USO1: variants seen among roughly 807,000 people sequenced by gnomAD.
USO1 encodes general vesicular transport factor p115.
Under a neutral mutation model 124.5 loss-of-function variants are expected in USO1, and 57 were observed. The ratio of observed to expected loss-of-function variants is 0.46; its 90% confidence interval spans 0.37 to 0.57. The LOEUF is 0.57. Among genes scored for constraint, USO1 ranks in the 20% least tolerant of loss-of-function variants. USO1 has a pLI of 0.00. For missense variants in USO1, 900 were observed against 1,040.6 expected, an observed-to-expected ratio of 0.86 and a Z score of 1.86; for synonymous variants, 369 against 362.8, an observed-to-expected ratio of 1.02 and a Z score of -0.19.
intron 1 of USO1, among the ~76,000 whole-genome samples, chr4:75,745,095 T>C (rs916579969): frequency 3.3e-5 from 5 of 152,200 alleles, no homozygotes; most frequent in East Asian, 3.8e-4. Context: ...TTATCTGTTA[T>C]AGTAATGAGC....
intron 8 of USO1, among the ~76,000 whole-genome samples, chr4:75,775,013 C>CA (rs1722035265): frequency 2.6e-5 from 4 of 152,170 alleles, no homozygotes; most frequent in Admixed American, 2.6e-4. Context: ...TAGAAAATCT[C>CA]ACCTATATCT....
intron 5 of USO1, 36 bp from the exon 6 acceptor site, chr4:75,770,786 T>C: frequency 6.3e-7 from 1 of 1,582,040 alleles, no homozygotes; most frequent in Non-Finnish European, 8.5e-7. Flanking sequence ...AAATGTGAAT[T>C]ACAGATGTTA....
At chr4:75,790,073 T>G in intron 10 of USO1, 77 bp from the exon 11 acceptor site, 1 of 1,385,080 alleles carries the variant, frequency 7.2e-7, no homozygotes, top group Middle Eastern at 1.9e-4. Context: ...AAAAAAAGAT[T>G]TTTTTTCTAT....
At chr4:75,800,278 A>T in intron 14 of USO1, 73 bp from the exon 15 acceptor site, 1 of 1,479,586 alleles carries the variant, frequency 6.8e-7, no homozygotes, top group Non-Finnish European at 9.1e-7. Flanking sequence ...GTGAAGTATT[A>T]ATGTATGTCA....
intron 3 of USO1, among the ~76,000 whole-genome samples, chr4:75,754,718 G>A (rs759939894): frequency 2.0e-5 from 3 of 152,034 alleles, no homozygotes; most frequent in Non-Finnish European, 4.4e-5. Context: ...GCCTACACAG[G>A]CCAAAAAACA....
intron 19 of USO1, 55 bp downstream of exon 19, chr4:75,805,358 C>T: frequency 2.7e-6 from 4 of 1,455,220 alleles, no homozygotes; most frequent in Non-Finnish European, 3.6e-6. Flanking sequence ...TTCTCATTAT[C>T]CTGCCTTTTT....
chr4:75,765,027 C>A lies in USO1; in HGVS notation c.296-5412C>A, dbSNP rs17000802. Among the ~76,000 whole-genome samples, 901 of 152,228 alleles carry A rather than the reference C, an allele frequency of 5.9e-3. 15 individuals carry two copies. Among genetic ancestry groups the A allele is most frequent in the African/African-American group, 0.021 (854 of 41,532 alleles). Reference sequence around the variant, plus strand: ...TAGTCAAGTTTTCATTCTCTGCTATCTTCACACCACTGAGATAAAAAATAA... The same window carrying A: ...TAGTCAAGTTTTCATTCTCTGCTATATTCACACCACTGAGATAAAAAATAA... On this transcript the variant is annotated intron_variant, in intron 4 of 23. Coordinates refer to ENST00000514213, the MANE Select transcript of USO1 (RefSeq NM_003715.4).
At position 75,813,250 on chromosome 4, in the gene USO1, GGAT is replaced by G; in HGVS notation, c.2850_2852del (p.Asp950del). 11 of 1,611,228 alleles carry G rather than the reference GGAT, an allele frequency of 6.8e-6. No homozygotes were observed. The highest frequency in any genetic ancestry group is 9.3e-6 in the Non-Finnish European group (11 of 1,179,046). On this transcript the variant is annotated inframe_deletion, in exon 24 of 24. Transcript: ENST00000514213. ...TTGAATCTGGAGACCAAGAGGATGA[GGAT>G]GATGAAAGTGAAGATCCTGGCAAGG...
At chr4:75,798,917 G>C (rs1267996306) in intron 13 of USO1, among the ~76,000 whole-genome samples, 1 of 152,066 alleles carries the variant, frequency 6.6e-6, no homozygotes, top group Admixed American at 6.5e-5. Flanking sequence ...CTACCTAGGA[G>C]ATGTAAATGT....
At chr4:75,802,614 A>C (rs1722880610) in intron 17 of USO1, among the ~76,000 whole-genome samples, 1 of 152,176 alleles carries the variant, frequency 6.6e-6, no homozygotes, top group South Asian at 2.1e-4. Context: ...ATATGGACTA[A>C]AATATATAAT....
At chr4:75,730,329 A>G (rs965944026) in intron 1 of USO1, among the ~76,000 whole-genome samples, 2 of 152,238 alleles carry the variant, frequency 1.3e-5, no homozygotes, top group Non-Finnish European at 2.9e-5. Context: ...TGCAACGACC[A>G]CTAACAAAGA....
intron 4 of USO1, among the ~76,000 whole-genome samples, chr4:75,762,121 G>A (rs1025318816): frequency 6.8e-6 from 1 of 147,332 alleles, no homozygotes; most frequent in Non-Finnish European, 1.5e-5. Flanking sequence ...CAGAGATGAT[G>A]TAACTTATAT....
In USO1 at chr4:75,804,246, A is replaced by T. The variant is rs146358167; in HGVS notation, c.2099A>T (p.Gln700Leu). The change falls in exon 18 of 24, where the codon CAG becomes CTG. Residue 700 changes from glutamine to leucine, a missense_variant. This residue lies in a region of USO1 where 362 missense variants were observed against 359.0 expected (regional missense o/e 1.01). Coordinates refer to ENST00000514213, the MANE Select transcript of USO1 (RefSeq NM_003715.4). ...TCACAGATCCAGCAGCACAAAGACC[A>T]GTATAATCTTCTTAAAATACAGCTA... The part of the protein sequence containing the change: ...QVSQIQQHKD[Q>L]YNLLKIQLGK... The T allele has an allele frequency of 1.4e-5, 22 of 1,612,376 alleles. No homozygotes were observed. Among genetic ancestry groups the T allele is most frequent in the African/African-American group, 2.7e-5 (2 of 75,016 alleles).
chr4:75,799,872 A>T lies in USO1; in HGVS notation c.1563+140A>T, dbSNP rs1353827843. The T allele has an allele frequency of 7.2e-6, 7 of 970,530 alleles. No homozygotes were observed. The Admixed American group carries it at 2.1e-4, about 29-fold the overall frequency. 60.1% of individuals were successfully genotyped at this position (970,530 alleles called of 1,614,324 possible). A position where few individuals can be genotyped will look rare whatever the true frequency, so the allele number is the denominator to read the frequency against. ...GTGTTGCAACTTTTTAAACTGTTAA[A>T]GTTGTTATGATGCTTGTTTAAGTTG... On this transcript the variant is annotated intron_variant, in intron 14 of 23. Transcript: ENST00000514213.
At chr4:75,797,532 T>G (rs1722722196) in intron 13 of USO1, among the ~76,000 whole-genome samples, 1 of 143,166 alleles carries the variant, frequency 7.0e-6, no homozygotes, top group African/African-American at 2.5e-5. Flanking sequence ...CATATGATCT[T>G]CAGAATCATG....
At position 75,799,731 on chromosome 4, in the gene USO1, T is replaced by C. The variant is rs779295488; in HGVS notation, c.1562T>C (p.Phe521Ser). 1.9e-6 allele frequency: 3 copies of C among 1,613,580 alleles called. 1 individual carries two copies. In the South Asian group the frequency reaches 3.3e-5, roughly 18 times the overall value. Residue 521 changes from phenylalanine (F) to serine (S), a missense_variant and splice_region_variant, in exon 14 of 24, where the codon TTT becomes TCT. Transcript: ENST00000514213. ...HFLHNSANVP[F>S]LTGQIAENLG... is the part of the protein sequence containing the mutation. ...CTTCACAATTCAGCCAATGTTCCAT[T>C]TGTATCCTTTATGTTTTAGTAACGT...
chr4:75,805,353 A>C, intron 19 of USO1, 50 bp downstream of exon 19: 1 of 1,462,740 alleles, frequency 6.8e-7, no homozygotes, highest in Non-Finnish European at 9.0e-7. Context: ...AGTGGTTCTC[A>C]TTATCCTGCC....
chr4:75,797,788 C>T (rs1413188343), intron 13 of USO1, among the ~76,000 whole-genome samples: 10 of 151,884 alleles, frequency 6.6e-5, no homozygotes, highest in East Asian at 1.9e-4. Flanking sequence ...ACTACAGGCG[C>T]GCGCCACCTC....
chr4:75,743,933 C>T (rs929431905), intron 1 of USO1, among the ~76,000 whole-genome samples: 1 of 152,080 alleles, frequency 6.6e-6, no homozygotes, highest in Non-Finnish European at 1.5e-5. Flanking sequence ...CCCGCCACCA[C>T]GGCCGGCTAA....
Sources: allele counts gnomAD v4.1 joint callset (sites outside exome capture counted in the v4.1 genomes callset), GRCh38; gene constraint gnomAD v4.1.1; regional missense constraint gnomAD v4.1.1; transcripts MANE v1.5; gene names NCBI Gene and HGNC (gene_info 2026-07-23, HGNC 2026-07-21).